The following IQGAP1 variants were observed in gnomAD, a reference collection of about 807,000 sequenced individuals.
The protein encoded by IQGAP1 is ras GTPase-activating-like protein IQGAP1.
In IQGAP1, 66 loss-of-function variants were observed where a neutral mutation model predicts 215.6. The observed-to-expected ratio is 0.31, with a 90% confidence interval of 0.25 to 0.38. IQGAP1 has a LOEUF of 0.38. IQGAP1 is among the 10% of genes least tolerant of loss of function. The pLI, the probability that IQGAP1 is intolerant of heterozygous loss-of-function variation, is 1.00. For missense variants in IQGAP1, 1,712 were observed against 1,997.1 expected (o/e 0.86, Z 2.72); for synonymous variants, 772 against 728.7 (o/e 1.06, Z -0.96).
intron 30 of IQGAP1, 34 bp downstream of exon 30, chr15:90,484,386 G>A: frequency 1.3e-6 from 2 of 1,564,482 alleles, no homozygotes; most frequent in Non-Finnish European, 1.8e-6. Flanking sequence ...TAATTTCATT[G>A]TCCTTAATTA....
chr15:90,428,422 A>G (rs1490933911), intron 3 of IQGAP1, among the ~76,000 whole-genome samples: 1 of 151,968 alleles, frequency 6.6e-6, no homozygotes, highest in Non-Finnish European at 1.5e-5. Context: ...ACAACTCTGG[A>G]GCTATTCTGT....
rs371210081 is a variant in IQGAP1 at position 90,441,492 on chromosome 15, G to GT, written c.650-3dup. 75,634 of 957,416 alleles carry GT rather than the reference G, an allele frequency of 0.079. 1 individual carries two copies. Among genetic ancestry groups the GT allele is most frequent in the South Asian group, 0.11 (5,440 of 51,620 alleles). 59.3% of individuals were successfully genotyped at this position (957,416 alleles called of 1,614,324 possible). ...AGTGTTTTTGTTGGTTTGTTTTTTT[G>GT]TTTTTTTTTTTAGTACATGCTGCTG... On this transcript the variant is annotated splice_polypyrimidine_tract_variant and intron_variant, in intron 7 of 37. Coordinates refer to ENST00000268182, the MANE Select transcript of IQGAP1 (RefSeq NM_003870.4).
At chr15:90,412,738 A>G (rs546992761) in intron 2 of IQGAP1, among the ~76,000 whole-genome samples, 1 of 152,316 alleles carries the variant, frequency 6.6e-6, no homozygotes, top group East Asian at 1.9e-4. Flanking sequence ...TTGTGGAGAA[A>G]GACAGCCAAA....
chr15:90,450,815 GTT>G (rs74753086), intron 11 of IQGAP1, among the ~76,000 whole-genome samples: 17 of 127,092 alleles, frequency 1.3e-4, no homozygotes, highest in African/African-American at 4.5e-4. Context: ...GTTTTTTTTT[GTT>G]TTTTTTTTTT....
chr15:90,396,254 ATGTT>A (rs1964717486), intron 2 of IQGAP1, among the ~76,000 whole-genome samples: 1 of 152,178 alleles, frequency 6.6e-6, no homozygotes, highest in Non-Finnish European at 1.5e-5. Context: ...AATTCCATGA[ATGTT>A]GGGATATGTC....
chr15:90,453,119 C>T lies in IQGAP1; in HGVS notation c.1327-13C>T. 1 of 1,598,132 alleles carries T rather than the reference C, an allele frequency of 6.3e-7. No homozygotes were observed. Among genetic ancestry groups the T allele is most frequent in the Non-Finnish European group, 8.5e-7 (1 of 1,173,212 alleles). ...TTTCCTCACTGTTTTCCCTTCTGTCCCTTTCTGTACAGCATAATCTCACCC... is the reference window on the plus strand; with the variant it reads ...TTTCCTCACTGTTTTCCCTTCTGTCTCTTTCTGTACAGCATAATCTCACCC... On this transcript the variant is annotated splice_polypyrimidine_tract_variant and intron_variant, in intron 12 of 37. Transcript: ENST00000268182.
chr15:90,452,203 T>G (rs1457722344), intron 11 of IQGAP1, among the ~76,000 whole-genome samples: 1 of 152,104 alleles, frequency 6.6e-6, no homozygotes, highest in African/African-American at 2.4e-5. Flanking sequence ...CATGATTTGT[T>G]AGGGAAATAT....
intron 37 of IQGAP1, among the ~76,000 whole-genome samples, chr15:90,497,815 A>G (rs2151041769): frequency 6.6e-6 from 1 of 152,324 alleles, no homozygotes; most frequent in Admixed American, 6.5e-5. Flanking sequence ...TTGTAGCATA[A>G]AGATCCCTAA....
In IQGAP1 at chr15:90,487,044, C is replaced by T; in HGVS notation, c.4115C>T (p.Pro1372Leu). 1.2e-6 allele frequency: 2 copies of T among 1,614,068 alleles called. No homozygotes were observed. The highest frequency in any genetic ancestry group is 1.7e-6 in the Non-Finnish European group (2 of 1,179,980). The change falls in exon 32 of 38, where the codon CCT (proline) becomes CTT (leucine). Residue 1372 changes from proline to leucine, a missense_variant. Physicochemically the swap from Pro to Leu is moderately conservative, Grantham distance 98. Around this residue, in one of 2 missense-constraint regions of IQGAP1, gnomAD observed 691 missense variants for 923.0 expected, o/e 0.75. Coordinates refer to ENST00000268182, the MANE Select transcript of IQGAP1 (RefSeq NM_003870.4). Reference sequence around the variant, plus strand: ...ACCCTGACCAACAAGTTCGACGTGCCTGGAGATGAGAATGCAGAAATGGAT... The same window carrying T: ...ACCCTGACCAACAAGTTCGACGTGCTTGGAGATGAGAATGCAGAAATGGAT... ...SLTLTNKFDV[P>L]GDENAEMDAR...
rs376769532 is a variant in IQGAP1 at position 90,483,471 on chromosome 15, C to G, written c.3666C>G (p.Arg1222=). The G allele has an allele frequency of 1.1e-5, 18 of 1,614,020 alleles. No homozygotes were observed. In the African/African-American group the frequency reaches 2.4e-4, roughly 22 times the overall value. The change falls in exon 29 of 38, where the codon CGC becomes CGG. Residue 1222 remains arginine, a synonymous_variant. Transcript: ENST00000268182. ...GAGGCCAGCTTACCACAGACCAACG[C>G]CGAAATCTGGGCTCCATTGCAAAAA... ...SAGGQLTTDQ[R]RNLGSIAKML...
intron 8 of IQGAP1, among the ~76,000 whole-genome samples, chr15:90,442,280 A>C (rs1965461896): frequency 6.6e-6 from 1 of 152,036 alleles, no homozygotes; most frequent in African/African-American, 2.4e-5. Context: ...AACATGGCGA[A>C]ATCCCATCTA....
intron 20 of IQGAP1, 48 bp from the exon 21 acceptor site, chr15:90,473,848 G>T (rs181846801): frequency 6.8e-6 from 11 of 1,609,812 alleles, no homozygotes; most frequent in Non-Finnish European, 8.5e-6. Context: ...GGTATAACAC[G>T]TGTTGAGATG....
intron 2 of IQGAP1, among the ~76,000 whole-genome samples, chr15:90,403,246 A>C (rs2151004006): frequency 6.6e-6 from 1 of 152,282 alleles, no homozygotes; most frequent in South Asian, 2.1e-4. Flanking sequence ...GCTGCACAAA[A>C]ATGTGTTTCT....
intron 8 of IQGAP1, 41 bp downstream of exon 8, chr15:90,441,725 A>T: frequency 7.2e-7 from 1 of 1,396,008 alleles, no homozygotes; most frequent in Non-Finnish European, 9.9e-7. Context: ...AATTTATATT[A>T]TTCCGTCATT....
chr15:90,423,149 GTGTCATCT>G (rs1256950496), intron 2 of IQGAP1, among the ~76,000 whole-genome samples: 9 of 152,168 alleles, frequency 5.9e-5, no homozygotes, highest in Admixed American at 6.5e-5. Flanking sequence ...AGTGTTTGTT[GTGTCATCT>G]TGGAATTCGA....
rs756199960 is a variant in IQGAP1 at position 90,388,356 on chromosome 15, C to A, written c.15C>A (p.Asp5Glu). MSAA[D>E]EVDGLGVARP... Reference sequence around the variant, plus strand: ...GCTCGTCCGCCATGTCCGCCGCAGACGAGGTTGACGGGCTGGGCGTGGCCC... The same window carrying A: ...GCTCGTCCGCCATGTCCGCCGCAGAAGAGGTTGACGGGCTGGGCGTGGCCC... The change falls in exon 1 of 38, where the codon GAC becomes GAA. Residue 5 changes from aspartate (D) to glutamate (E), a missense_variant. Physicochemically the swap from Asp to Glu is conservative, Grantham distance 45 (BLOSUM62 2). Coordinates refer to ENST00000268182, the MANE Select transcript of IQGAP1 (RefSeq NM_003870.4). The A allele has an allele frequency of 1.3e-6, 2 of 1,594,970 alleles. No individual in the cohort carries two copies. The highest frequency in any genetic ancestry group is 2.4e-5 in the East Asian group (1 of 42,514).
intron 2 of IQGAP1, among the ~76,000 whole-genome samples, chr15:90,408,097 C>A (rs1011474636): frequency 1.3e-5 from 2 of 152,174 alleles, no homozygotes; most frequent in African/African-American, 4.8e-5. Flanking sequence ...AAGCATAACA[C>A]TATGTATACT....
intron 2 of IQGAP1, among the ~76,000 whole-genome samples, chr15:90,405,276 C>T (rs562763633): frequency 6.6e-6 from 1 of 152,286 alleles, no homozygotes; most frequent in East Asian, 1.9e-4. Context: ...CTTTTTGAAA[C>T]ATATGGCTTA....
intron 18 of IQGAP1, among the ~76,000 whole-genome samples, chr15:90,470,974 A>G (rs1303410349): frequency 6.6e-6 from 1 of 151,710 alleles, no homozygotes; most frequent in East Asian, 2.0e-4. Flanking sequence ...TCTCCTACAC[A>G]TTCTTCCTGA....
Sources: gnomAD v4.1 joint callset for allele counts (sites outside exome capture counted in the v4.1 genomes callset) on GRCh38, gnomAD v4.1.1 for gene constraint, gnomAD v4.1.1 regional missense constraint, MANE v1.5 for transcripts, NCBI Gene and HGNC (gene_info 2026-07-23, HGNC 2026-07-21) for gene names.